The following NAA15 variants were observed in gnomAD, a reference collection of about 807,000 sequenced individuals.
NAA15 encodes N-alpha-acetyltransferase 15, NatA auxiliary subunit, also known as N-terminal acetyltransferase.
A neutral mutation model predicts 114.0 loss-of-function variants in NAA15; 34 were observed. That is an observed-to-expected ratio of 0.30 (90% confidence interval 0.23 to 0.40). The LOEUF is 0.40. NAA15 is among the 10% of genes least tolerant of loss of function. The pLI, the probability that NAA15 is intolerant of heterozygous loss-of-function variation, is 1.00. For synonymous variants in NAA15, 340 were observed against 338.0 expected (o/e 1.01, Z -0.06); for missense variants, 658 against 1,004.5 (o/e 0.66, Z 4.66).
At chr4:139,323,621 C>G (rs1289364192) in intron 1 of NAA15, among the ~76,000 whole-genome samples, 3 of 152,174 alleles carry the variant, frequency 2.0e-5, no homozygotes, top group African/African-American at 7.2e-5. Flanking sequence ...GTTTAGGTCC[C>G]CCACCCACAC....
intron 19 of NAA15, among the ~76,000 whole-genome samples, chr4:139,386,740 T>A (rs1748918958): frequency 6.6e-6 from 1 of 152,052 alleles, no homozygotes; most frequent in Non-Finnish European, 1.5e-5. Context: ...GAGGAACACT[T>A]GAGCCTGAAA....
chr4:139,347,616 T>G (rs1747627389), intron 6 of NAA15, among the ~76,000 whole-genome samples: 1 of 152,180 alleles, frequency 6.6e-6, no homozygotes, highest in Non-Finnish European at 1.5e-5. Context: ...CATTCCAGCC[T>G]GGGTGACAGA....
chr4:139,321,259 C>A (rs1288320145), intron 1 of NAA15, among the ~76,000 whole-genome samples: 1 of 151,798 alleles, frequency 6.6e-6, no homozygotes, highest in Non-Finnish European at 1.5e-5. Context: ...TTAAACATTT[C>A]CATTTTAAAA....
chr4:139,305,539 G>GT (rs11454836), intron 1 of NAA15, among the ~76,000 whole-genome samples: 17,742 of 135,380 alleles, frequency 0.13, 1,720 homozygotes, highest in African/African-American at 0.28. Flanking sequence ...GTAACTTGTT[G>GT]TTTTTTTTTT....
chr4:139,370,507 G>A, intron 15 of NAA15, 103 bp downstream of exon 15: 1 of 1,072,360 alleles, frequency 9.3e-7, no homozygotes, highest in East Asian at 2.9e-5. Flanking sequence ...ATGTGATATA[G>A]GTTTTAGAGC....
At chr4:139,316,428 T>A (rs759144952) in intron 1 of NAA15, among the ~76,000 whole-genome samples, 30 of 151,942 alleles carry the variant, frequency 2.0e-4, no homozygotes, top group Non-Finnish European at 4.1e-4. Context: ...TAATTTAGTC[T>A]TCATTTAAGT....
chr4:139,329,926 AG>A (rs1560959760), intron 1 of NAA15, among the ~76,000 whole-genome samples: 1 of 152,294 alleles, frequency 6.6e-6, no homozygotes, highest in East Asian at 1.9e-4. Flanking sequence ...AAGTGCCTCC[AG>A]GAGTAAAGTG....
chr4:139,384,282 G>C (rs1748831027), intron 17 of NAA15, among the ~76,000 whole-genome samples: 1 of 152,164 alleles, frequency 6.6e-6, no homozygotes, highest in African/African-American at 2.4e-5. Flanking sequence ...TTGGAGACCA[G>C]CCTGGGCAAC....
At chr4:139,301,866 A>G in intron 1 of NAA15, 35 bp downstream of exon 1, 1 of 1,566,880 alleles carries the variant, frequency 6.4e-7, no homozygotes, top group South Asian at 1.2e-5. Context: ...GGTGGGGAGG[A>G]TTTAGCCGGT....
intron 1 of NAA15, among the ~76,000 whole-genome samples, chr4:139,305,149 C>T (rs1745967222): frequency 6.6e-6 from 1 of 152,178 alleles, no homozygotes; most frequent in Non-Finnish European, 1.5e-5. Flanking sequence ...TGTGTTTAAC[C>T]ATCCATATAA....
At chr4:139,372,195 C>T (rs538248880) in intron 15 of NAA15, among the ~76,000 whole-genome samples, 3 of 152,240 alleles carry the variant, frequency 2.0e-5, no homozygotes, top group East Asian at 3.9e-4. Flanking sequence ...GGATTACAGG[C>T]GTGAGCCACT....
intron 15 of NAA15, among the ~76,000 whole-genome samples, chr4:139,372,020 A>G (rs1348920896): frequency 1.3e-5 from 2 of 152,230 alleles, no homozygotes; most frequent in African/African-American, 2.4e-5. Flanking sequence ...GGTTCACGCC[A>G]TTCTCCTGCC....
At chr4:139,382,734 TTAAAC>T (rs1318419636) in intron 17 of NAA15, among the ~76,000 whole-genome samples, 3 of 152,146 alleles carry the variant, frequency 2.0e-5, no homozygotes, top group South Asian at 2.1e-4. Context: ...ATAGTAGAGG[TTAAAC>T]TAAAGTATTT....
chr4:139,324,359 GAT>G (rs1377376530), intron 1 of NAA15, among the ~76,000 whole-genome samples: 3 of 152,144 alleles, frequency 2.0e-5, no homozygotes, highest in African/African-American at 7.2e-5. Flanking sequence ...AGGACAAATA[GAT>G]ACTCTGGCAT....
chr4:139,365,112 A>C (rs942058472), intron 14 of NAA15, among the ~76,000 whole-genome samples: 1 of 152,154 alleles, frequency 6.6e-6, no homozygotes, highest in Non-Finnish European at 1.5e-5. Flanking sequence ...ATCTTGGCTC[A>C]CCGCAACCTC....
chr4:139,381,687 G>C (rs1033532608), intron 17 of NAA15, among the ~76,000 whole-genome samples: 9 of 151,972 alleles, frequency 5.9e-5, no homozygotes, highest in African/African-American at 2.2e-4. Flanking sequence ...CACAAAATAA[G>C]AACATTTTTT....
At chr4:139,315,717 A>T (rs940686258) in intron 1 of NAA15, among the ~76,000 whole-genome samples, 1 of 151,496 alleles carries the variant, frequency 6.6e-6, no homozygotes, top group African/African-American at 2.4e-5. Flanking sequence ...CACTGAATTG[A>T]TCTCATCTTT....
At chr4:139,327,407 G>A (rs538695916) in intron 1 of NAA15, among the ~76,000 whole-genome samples, 14 of 152,042 alleles carry the variant, frequency 9.2e-5, no homozygotes, top group African/African-American at 3.1e-4. Flanking sequence ...GCGCTGCCAC[G>A]CCCAGCTAAT....
At chr4:139,345,794 G>T (rs568904014) in intron 6 of NAA15, among the ~76,000 whole-genome samples, 4 of 152,046 alleles carry the variant, frequency 2.6e-5, no homozygotes, top group African/African-American at 9.7e-5. Flanking sequence ...GGTGGCAGGC[G>T]CCTGTAGTCC....
Sources: allele counts gnomAD v4.1 joint callset (sites outside exome capture counted in the v4.1 genomes callset), GRCh38; gene constraint gnomAD v4.1.1; transcripts MANE v1.5; gene names NCBI Gene and HGNC (gene_info 2026-07-23, HGNC 2026-07-21).